The following DAB1 variants were observed in gnomAD, a reference collection of about 807,000 sequenced individuals.
DAB1 encodes DAB adaptor protein 1.
DAB1 carries 15 observed loss-of-function variants against 64.6 expected under a neutral mutation model. The ratio of observed to expected loss-of-function variants is 0.23; its 90% confidence interval spans 0.16 to 0.36. The LOEUF is 0.36. DAB1 is among the 10% of genes least tolerant of loss of function. The pLI is 1.00. For missense variants in DAB1, 596 were observed against 706.7 expected (o/e 0.84, Z 1.78); for synonymous variants, 235 against 251.9 (o/e 0.93, Z 0.64).
intron 5 of DAB1, among the ~76,000 whole-genome samples, chr1:57,911,789 TGCAGCTTA>T (rs1644648797): frequency 6.6e-6 from 1 of 152,218 alleles, no homozygotes; most frequent in Non-Finnish European, 1.5e-5. Flanking sequence ...CCCTCAGTAG[TGCAGCTTA>T]GCAAAGAGGG....
chr1:57,289,727 T>C (rs550188775), intron 2 of DAB1, among the ~76,000 whole-genome samples: 3 of 151,840 alleles, frequency 2.0e-5, no homozygotes, highest in African/African-American at 7.3e-5. Flanking sequence ...TACAAAGAAG[T>C]CAAGGGCATC....
At chr1:57,313,307 A>G (rs1674895367) in intron 1 of DAB1, among the ~76,000 whole-genome samples, 1 of 152,176 alleles carries the variant, frequency 6.6e-6, no homozygotes, top group Non-Finnish European at 1.5e-5. Context: ...CCTGGTCCCC[A>G]CAATATGACA....
At position 57,137,652 on chromosome 1, in the gene DAB1, CAG is replaced by C. The variant is rs143989998; in HGVS notation, c.208-1013_208-1012del. On this transcript the variant is annotated intron_variant, in intron 3 of 14. Transcript: ENST00000371236. ...CAGCCTGGCAGAGGCTCATTACTGC[CAG>C]CCTCTAAAGATGGCAAGATTAAGCC... 4.4e-3 allele frequency among the ~76,000 whole-genome samples: 664 copies of C among 152,306 alleles called. 6 individuals are homozygous for C. The highest frequency in any genetic ancestry group is 0.015 in the African/African-American group (634 of 41,574).
rs186557104 is a variant in DAB1 at position 58,536,264 on chromosome 1, G to C, written n.33-8929C>G. Among the ~76,000 whole-genome samples, 699 of 152,208 alleles carry C rather than the reference G, an allele frequency of 4.6e-3. 3 individuals carry two copies. The highest frequency in any genetic ancestry group is 7.1e-3 in the Non-Finnish European group (484 of 67,990). On this transcript the variant is annotated intron_variant and non_coding_transcript_variant, in intron 1 of 20. Transcript: ENST00000485760. ...AACCCAGTCTGGATAATCAAGGAAG[G>C]TTTTCCTGAGAAAAGTGACATTTAA... is the stretch of plus-strand genomic sequence containing the variant.
At chr1:57,423,449 G>A (rs973103173) in intron 1 of DAB1, among the ~76,000 whole-genome samples, 1 of 152,116 alleles carries the variant, frequency 6.6e-6, no homozygotes, top group Non-Finnish European at 1.5e-5. Context: ...GGAGGAGTAG[G>A]GAAGTGAGAA....
chr1:58,335,661 G>A (rs1177633879), intron 4 of DAB1, among the ~76,000 whole-genome samples: 2 of 152,148 alleles, frequency 1.3e-5, no homozygotes, highest in Non-Finnish European at 2.9e-5. Context: ...GGGCAGGGTG[G>A]AAGTGGAAAG....
At chr1:57,740,046 C>CA (rs34382329) in intron 6 of DAB1, among the ~76,000 whole-genome samples, 1,317 of 103,102 alleles carry the variant, frequency 0.013, 29 homozygotes, top group East Asian at 0.03. Flanking sequence ...ACTACTACTA[C>CA]AAAAAAAAAA....
chr1:58,341,947 A>T (rs998378777), intron 4 of DAB1, among the ~76,000 whole-genome samples: 1 of 152,198 alleles, frequency 6.6e-6, no homozygotes, highest in Non-Finnish European at 1.5e-5. Flanking sequence ...TATTTCCAGC[A>T]TCTAAGATAT....
chr1:57,800,426 T>A (rs1299256856), intron 6 of DAB1, among the ~76,000 whole-genome samples: 2 of 152,208 alleles, frequency 1.3e-5, no homozygotes, highest in Middle Eastern at 6.3e-3. Flanking sequence ...TGAGCATTCT[T>A]AGTTAAAACT....
chr1:57,617,772 C>A (rs968734868), intron 7 of DAB1, among the ~76,000 whole-genome samples: 1 of 152,170 alleles, frequency 6.6e-6, no homozygotes, highest in Non-Finnish European at 1.5e-5. Flanking sequence ...ATTTCAAACT[C>A]CTTTTCCCAA....
intron 1 of DAB1, among the ~76,000 whole-genome samples, chr1:57,332,367 A>T (rs1030063694): frequency 9.2e-5 from 14 of 152,126 alleles, no homozygotes; most frequent in Middle Eastern, 6.3e-3. Context: ...ACCCATCCTC[A>T]CTATGCCTCA....
At chr1:57,795,271 A>G (rs1650791852) in intron 6 of DAB1, among the ~76,000 whole-genome samples, 1 of 152,240 alleles carries the variant, frequency 6.6e-6, no homozygotes, top group African/African-American at 2.4e-5. Context: ...TTGTTAGCAG[A>G]GACATCTATT....
chr1:57,326,808 C>T (rs1676194735), intron 1 of DAB1, among the ~76,000 whole-genome samples: 1 of 152,112 alleles, frequency 6.6e-6, no homozygotes, highest in South Asian at 2.1e-4. Flanking sequence ...TCATCGAATC[C>T]TCATCACCTC....
chr1:57,465,492 T>C (rs1427680711), intron 7 of DAB1, among the ~76,000 whole-genome samples: 1 of 152,208 alleles, frequency 6.6e-6, no homozygotes, highest in Non-Finnish European at 1.5e-5. Flanking sequence ...ATGCAGCCCC[T>C]ACTTGAAAGA....
chr1:58,048,278 C>T, intron 5 of DAB1: 1 of 1,282,272 alleles, frequency 7.8e-7, no homozygotes, highest in Non-Finnish European at 1.1e-6. Flanking sequence ...GCCATAGGGG[C>T]CAGAGCTTCT....
At chr1:58,050,729 C>T (rs1647591649) in intron 5 of DAB1, among the ~76,000 whole-genome samples, 1 of 152,090 alleles carries the variant, frequency 6.6e-6, no homozygotes, top group Non-Finnish European at 1.5e-5. Flanking sequence ...CGGGGTCTCA[C>T]CGTGTTAGCC....
chr1:58,282,531 C>T (rs1199848692), intron 4 of DAB1, among the ~76,000 whole-genome samples: 1 of 151,516 alleles, frequency 6.6e-6, no homozygotes, highest in Non-Finnish European at 1.5e-5. Context: ...TAAAAACTAA[C>T]CAGAAGATTG....
intron 5 of DAB1, among the ~76,000 whole-genome samples, chr1:58,094,861 ATGT>A (rs1296994142): frequency 6.6e-6 from 1 of 152,212 alleles, no homozygotes; most frequent in African/African-American, 2.4e-5. Flanking sequence ...TAGGCCTGAG[ATGT>A]TGTATTTCTA....
At chr1:58,499,757 T>C (rs1645872220) in intron 3 of DAB1, among the ~76,000 whole-genome samples, 1 of 151,212 alleles carries the variant, frequency 6.6e-6, no homozygotes, top group Admixed American at 6.6e-5. Flanking sequence ...CTGGACTCCA[T>C]AAATATATAA....
Sources: gnomAD v4.1 joint callset for allele counts (sites outside exome capture counted in the v4.1 genomes callset) on GRCh38, gnomAD v4.1.1 for gene constraint, MANE v1.5 for transcripts, NCBI Gene and HGNC (gene_info 2026-07-23, HGNC 2026-07-21) for gene names.